The following PELP1 variants were observed in gnomAD, a reference collection of about 807,000 sequenced individuals.
PELP1 encodes proline, glutamate and leucine rich protein 1, also known as proline-, glutamic acid- and leucine-rich protein 1.
In PELP1, 32 loss-of-function variants were observed where a neutral mutation model predicts 95.5. The observed-to-expected ratio is 0.34, with a 90% CI of 0.25 to 0.45. The LOEUF is 0.45. Ranked by LOEUF, PELP1 falls within the 20% of genes least tolerant of loss-of-function variation. The pLI, the probability that PELP1 is intolerant of heterozygous loss-of-function variation, is 1.00. For missense variants in PELP1, 1,358 were observed against 1,444.8 expected (o/e 0.94, Z 0.97); for synonymous variants, 668 against 600.1 (o/e 1.11, Z -1.65).
chr17:4,688,046 G>A (rs1002831545), intron 3 of PELP1, among the ~76,000 whole-genome samples: 1 of 152,018 alleles, frequency 6.6e-6, no homozygotes, highest in Non-Finnish European at 1.5e-5. Context: ...GAAATAAAGG[G>A]CGTCTAGGCC....
intron 6 of PELP1, 31 bp downstream of exon 6, chr17:4,676,722 C>A: frequency 6.5e-7 from 1 of 1,542,240 alleles, no homozygotes; most frequent in East Asian, 2.4e-5. Flanking sequence ...CTCAGATCCC[C>A]GGGCTCTCCC....
intron 1 of PELP1, 32 bp downstream of exon 1, chr17:4,703,830 AC>A (rs1441044650): frequency 6.3e-7 from 1 of 1,580,246 alleles, no homozygotes; most frequent in African/African-American, 1.3e-5. Context: ...CATCCTCCCC[AC>A]AGGGCCGCGG....
chr17:4,693,410 C>T (rs974657927), intron 1 of PELP1, among the ~76,000 whole-genome samples: 16 of 152,336 alleles, frequency 1.1e-4, no homozygotes, highest in African/African-American at 3.8e-4. Flanking sequence ...CTACCAAACC[C>T]TACATAAACT....
chr17:4,688,658 A>G (rs1305841491), intron 3 of PELP1, among the ~76,000 whole-genome samples: 2 of 152,222 alleles, frequency 1.3e-5, no homozygotes, highest in South Asian at 2.1e-4. Flanking sequence ...AAAGACCTCT[A>G]TAAGGAAAAA....
At chr17:4,683,518 T>C (rs7211254) in intron 3 of PELP1, among the ~76,000 whole-genome samples, 136,180 of 142,306 alleles carry the variant, frequency 0.96, 65,484 homozygotes, top group East Asian at 1. Context: ...CACGCCCAGC[T>C]GAGTTTTCTT....
intron 3 of PELP1, among the ~76,000 whole-genome samples, chr17:4,683,864 G>A (rs1416243188): frequency 7.5e-5 from 10 of 133,248 alleles, no homozygotes; most frequent in Non-Finnish European, 1.4e-4. Flanking sequence ...TTTGAGACAG[G>A]GTCTCACTCT....
At chr17:4,683,422 A>C (rs9892582) in intron 3 of PELP1, among the ~76,000 whole-genome samples, 2 of 150,942 alleles carry the variant, frequency 1.3e-5, no homozygotes, top group South Asian at 2.1e-4. Flanking sequence ...GGGTTTCACT[A>C]TGTTAGCCAG....
intron 3 of PELP1, among the ~76,000 whole-genome samples, chr17:4,688,352 G>A (rs117436215): frequency 0.019 from 2,926 of 151,850 alleles, 38 homozygotes; most frequent in Non-Finnish European, 0.026. Flanking sequence ...AAAAAAAAAG[G>A]AAGAAAGGAA....
At chr17:4,692,447 A>G (rs1239620434) in intron 1 of PELP1, among the ~76,000 whole-genome samples, 1 of 142,736 alleles carries the variant, frequency 7.0e-6, no homozygotes, top group African/African-American at 2.6e-5. Context: ...AGCCTGGGCA[A>G]CAGAGCGAGA....
intron 3 of PELP1, among the ~76,000 whole-genome samples, chr17:4,684,282 C>T (rs114442836): frequency 3.0e-3 from 451 of 152,290 alleles, no homozygotes; most frequent in African/African-American, 9.3e-3. Flanking sequence ...CTGGTTAACG[C>T]TGCTACTAAA....
Position 4,672,636 on chromosome 17 carries a change from A to G in PELP1, c.2355T>C (p.Asp785=), listed in dbSNP as rs752478279. 8 of 1,611,620 alleles carry G rather than the reference A, an allele frequency of 5.0e-6. No individual in the cohort carries two copies. The South Asian group carries it at 6.6e-5, about 13-fold the overall frequency. Residue 785 remains aspartate, a synonymous_variant, in exon 16 of 17, where the codon GAT becomes GAC. Transcript: ENST00000572293. ...CCTCGGGCACGATCACCACGCTGTC[A>G]TCAGAGTCACTTTCCAAGGAGATCT... is the stretch of plus-strand genomic sequence containing the variant. The part of the protein sequence containing the change: ...DVEISLESDS[D]DSVVIVPEGL...
chr17:4,689,852 C>T (rs1913032486), intron 3 of PELP1, among the ~76,000 whole-genome samples: 1 of 152,140 alleles, frequency 6.6e-6, no homozygotes, highest in South Asian at 2.1e-4. Flanking sequence ...ATGGTGAAAC[C>T]CCATCTCTAC....
In PELP1 at chr17:4,672,215, C is replaced by T; in HGVS notation, c.2776G>A (p.Glu926Lys). Residue 926 changes from glutamate to lysine, a missense_variant, in exon 16 of 17, where the codon GAG becomes AAG. Glu to Lys is a moderately conservative substitution (Grantham distance 56). This residue lies in a region of PELP1 where 283 missense variants were observed against 284.1 expected (regional missense o/e 1.00). Coordinates refer to ENST00000572293, the MANE Select transcript of PELP1 (RefSeq NM_014389.3). ...DEEEYFEEEE[E>K]EEEEFEEEFE... is the part of the protein sequence containing the mutation. Reference sequence around the variant, plus strand: ...TCTTCCTCAAACTCTTCTTCCTCCTCTTCTTCCTCTTCAAAATATTCCTCT... The same window carrying T: ...TCTTCCTCAAACTCTTCTTCCTCCTTTTCTTCCTCTTCAAAATATTCCTCT... The T allele has an allele frequency of 1.3e-6, 2 of 1,552,522 alleles. No homozygotes were observed. The highest frequency in any genetic ancestry group is 1.7e-6 in the Non-Finnish European group (2 of 1,147,404).
intron 5 of PELP1, among the ~76,000 whole-genome samples, chr17:4,681,481 A>G (rs1264077117): frequency 6.6e-6 from 1 of 151,974 alleles, no homozygotes; most frequent in Admixed American, 6.6e-5. Context: ...ACTGCACTCC[A>G]GTCTGGGCGA....
chr17:4,683,048 G>A lies in PELP1; in HGVS notation c.421-96C>T, dbSNP rs1405882812. On this transcript the variant is annotated intron_variant, in intron 3 of 16. Transcript: ENST00000572293. ...TACAAGCCTTCTGAGGAATGCCACG[G>A]TTAATGTCAGTCTGACCATCCAAGC... 2.9e-6 allele frequency: 4 copies of A among 1,370,110 alleles called. No individual in the cohort carries two copies. In the East Asian group the frequency reaches 8.4e-5, roughly 29 times the overall value. 84.9% of individuals were successfully genotyped at this position (1,370,110 alleles called of 1,614,324 possible).
chr17:4,696,222 C>T (rs1411132643), intron 1 of PELP1, among the ~76,000 whole-genome samples: 2 of 152,048 alleles, frequency 1.3e-5, no homozygotes, highest in Non-Finnish European at 2.9e-5. Context: ...GTCACAGCTA[C>T]TTGGGAGGCT....
rs764619785 is a variant in PELP1 at position 4,674,930 on chromosome 17, A to G, written c.1301T>C (p.Ile434Thr). The G allele has an allele frequency of 1.2e-6, 2 of 1,613,196 alleles. No homozygotes were observed. Among genetic ancestry groups the G allele is most frequent in the Admixed American group, 1.7e-5 (1 of 59,974 alleles). ...ACAAACCTGCACCCACAGCTCTAAT[A>G]TCGCATACACCTTGGTCCGAACCGT... ...YSTVRTKVYAILELWVQVCGA... is the reference protein window; with the variant it reads ...YSTVRTKVYATLELWVQVCGA... Residue 434 changes from isoleucine (I) to threonine (T), a missense_variant, in exon 12 of 17, where the codon ATA (isoleucine) becomes ACA (threonine). This residue lies in a region of PELP1 where 538 missense variants were observed against 628.1 expected (regional missense o/e 0.86). Transcript: ENST00000572293.
At chr17:4,695,668 A>T (rs1010584314) in intron 1 of PELP1, among the ~76,000 whole-genome samples, 2 of 3,220 alleles carry the variant, frequency 6.2e-4, no homozygotes, top group East Asian at 0.1. Context: ...CCTCTCTCTT[A>T]AAAAAAAAAA....
intron 3 of PELP1, among the ~76,000 whole-genome samples, chr17:4,688,348 AAAGG>A (rs1485801737): frequency 6.6e-6 from 1 of 152,098 alleles, no homozygotes; most frequent in Non-Finnish European, 1.5e-5. Context: ...AAGAAAAAAA[AAAGG>A]AAGAAAGGAA....
Sources: gnomAD v4.1 joint callset for allele counts (sites outside exome capture counted in the v4.1 genomes callset) on GRCh38, gnomAD v4.1.1 for gene constraint, gnomAD v4.1.1 regional missense constraint, MANE v1.5 for transcripts, NCBI Gene and HGNC (gene_info 2026-07-23, HGNC 2026-07-21) for gene names.